HS2ST1: variants seen among roughly 807,000 people sequenced by gnomAD.
HS2ST1 encodes the protein 2-O-sulfotransferase.
Under a neutral mutation model 42.9 loss-of-function variants are expected in HS2ST1, and 18 were observed. That is an observed-to-expected ratio of 0.42 (90% CI 0.29 to 0.62). The LOEUF is 0.62. Among genes scored for constraint, HS2ST1 ranks in the 20% least tolerant of loss-of-function variants. HS2ST1 has a pLI of 0.21. For synonymous variants in HS2ST1, 146 were observed against 152.9 expected, an observed-to-expected ratio of 0.95 and a Z score of 0.33; for missense variants, 334 against 433.8, an observed-to-expected ratio of 0.77 and a Z score of 2.04.
chr1:86,943,799 G>A (rs577435656), intron 1 of HS2ST1, among the ~76,000 whole-genome samples: 1 of 152,216 alleles, frequency 6.6e-6, no homozygotes, highest in African/African-American at 2.4e-5. Flanking sequence ...GCTGAGGCAG[G>A]TGGATTACCT....
chr1:86,978,622 G>T (rs1648491531), intron 1 of HS2ST1, among the ~76,000 whole-genome samples: 1 of 152,090 alleles, frequency 6.6e-6, no homozygotes, highest in Non-Finnish European at 1.5e-5. Context: ...TAAGTTTGTG[G>T]TTGTATAATT....
At position 87,035,813 on chromosome 1, in the gene HS2ST1, C is replaced by CT. The variant is rs769101785; in HGVS notation, c.125-37107dup. Among the ~76,000 whole-genome samples the CT allele has an allele frequency of 3.0e-3, 428 of 140,814 alleles. 5 individuals are homozygous for CT. The highest frequency in any genetic ancestry group is 9.1e-3 in the African/African-American group (350 of 38,416). The allele number at this position is 140,814 out of a possible 152,430, so 92.4% of individuals were successfully genotyped here. A position where few individuals can be genotyped will look rare whatever the true frequency, so the allele number is the denominator to read the frequency against. On this transcript the variant is annotated intron_variant, in intron 1 of 6. Coordinates refer to ENST00000370550, the MANE Select transcript of HS2ST1 (RefSeq NM_012262.4). Reference sequence around the variant, plus strand: ...CAGGTTGTTCAGAGAAGACGAAAGACTTTTTTTTTTTTTTAATTATTACTA... The same window carrying CT: ...CAGGTTGTTCAGAGAAGACGAAAGACTTTTTTTTTTTTTTTAATTATTACTA...
At chr1:87,048,214 G>A (rs968819111) in intron 1 of HS2ST1, among the ~76,000 whole-genome samples, 3 of 152,048 alleles carry the variant, frequency 2.0e-5, no homozygotes, top group Admixed American at 1.3e-4. Flanking sequence ...TCTGTTATTA[G>A]TAATATACAA....
chr1:86,963,767 G>A (rs1209527097), intron 1 of HS2ST1, among the ~76,000 whole-genome samples: 3 of 143,318 alleles, frequency 2.1e-5, no homozygotes, highest in Non-Finnish European at 4.5e-5. Flanking sequence ...CCTCCCGGAC[G>A]GGGCAGCTGG....
intron 3 of HS2ST1, among the ~76,000 whole-genome samples, chr1:87,086,690 G>A (rs185590532): frequency 1.4e-3 from 220 of 151,960 alleles, no homozygotes; most frequent in Non-Finnish European, 2.5e-3. Context: ...GCCATGTTTT[G>A]ATTACATACA....
At chr1:86,953,984 G>A (rs1422797816) in intron 1 of HS2ST1, among the ~76,000 whole-genome samples, 2 of 143,896 alleles carry the variant, frequency 1.4e-5, no homozygotes, top group African/African-American at 5.2e-5. Context: ...ATGTGGGCAT[G>A]GTTTGTGACG....
chr1:87,034,210 A>G lies in HS2ST1; in HGVS notation c.125-38724A>G, dbSNP rs139860946. Among the ~76,000 whole-genome samples the G allele has an allele frequency of 1.6e-4, 24 of 152,366 alleles. No individual in the cohort carries two copies. The East Asian group carries it at 4.6e-3, about 29-fold the overall frequency. On this transcript the variant is annotated intron_variant, in intron 1 of 6. Coordinates refer to ENST00000370550, the MANE Select transcript of HS2ST1 (RefSeq NM_012262.4). ...AAATACCAGTGAGGAAGGTCACAGT[A>G]AATTATTATTTCATGACAAACAAAA...
At chr1:87,014,592 A>G (rs1030131120) in intron 1 of HS2ST1, among the ~76,000 whole-genome samples, 4 of 152,218 alleles carry the variant, frequency 2.6e-5, no homozygotes, top group Non-Finnish European at 5.9e-5. Flanking sequence ...AATGTTAAAC[A>G]AACAAACAAA....
chr1:86,990,747 G>A (rs1425493323), intron 1 of HS2ST1, among the ~76,000 whole-genome samples: 8 of 141,702 alleles, frequency 5.6e-5, no homozygotes, highest in African/African-American at 1.6e-4. Context: ...AGGTTCAAGC[G>A]ATTCTCCTGC....
chr1:86,946,138 A>G (rs1647329011), intron 1 of HS2ST1, among the ~76,000 whole-genome samples: 1 of 152,178 alleles, frequency 6.6e-6, no homozygotes, highest in Non-Finnish European at 1.5e-5. Flanking sequence ...AATTTTTTTT[A>G]ATCCAAACGT....
chr1:87,092,012 T>G (rs1651958108), intron 3 of HS2ST1, among the ~76,000 whole-genome samples: 1 of 152,088 alleles, frequency 6.6e-6, no homozygotes, highest in Admixed American at 6.6e-5. Flanking sequence ...CTATCAAATC[T>G]GGCTAGTGTG....
At chr1:86,934,450 G>A (rs1660602425) in intron 1 of HS2ST1, 1 of 152,240 alleles carries the variant, frequency 6.6e-6, no homozygotes, top group Non-Finnish European at 1.5e-5. Flanking sequence ...TCTCAAGCTA[G>A]TCCACGTTGA....
rs566190449 is a variant in HS2ST1, at chr1:87,105,443, A to G, written c.*747A>G. The G allele has an allele frequency of 3.3e-5, 5 of 152,526 alleles. No homozygotes were observed. The highest frequency in any genetic ancestry group is 7.4e-5 in the Non-Finnish European group (5 of 67,952). 9.4% of individuals were successfully genotyped at this position (152,526 alleles called of 1,614,324 possible). A position where few individuals can be genotyped will look rare whatever the true frequency, so the allele number is the denominator to read the frequency against. On this transcript the variant is annotated 3_prime_UTR_variant, in exon 7 of 7. Coordinates refer to ENST00000370550, the MANE Select transcript of HS2ST1 (RefSeq NM_012262.4). ...GTTAAGATTTTCACACATTAATATC[A>G]AAAAAGTAAGTTTAGTATTTGTTTC...
chr1:86,985,395 CACACATATATAT>C lies in HS2ST1; in HGVS notation c.124+70259_124+70270del, dbSNP rs1166069547. ...ATATATATATATATACACACACACA[CACACATATATAT>C]ACACATATATATACACATATATACA... On this transcript the variant is annotated intron_variant, in intron 1 of 6. Coordinates refer to ENST00000370550, the MANE Select transcript of HS2ST1 (RefSeq NM_012262.4). Among the ~76,000 whole-genome samples the C allele has an allele frequency of 6.9e-4, 22 of 31,814 alleles. 2 individuals carry two copies. Among genetic ancestry groups the C allele is most frequent in the African/African-American group, 1.1e-3 (18 of 15,838 alleles). 20.9% of individuals were successfully genotyped at this position (31,814 alleles called of 152,430 possible).
chr1:86,970,893 C>A (rs1648213788), intron 1 of HS2ST1, among the ~76,000 whole-genome samples: 1 of 151,942 alleles, frequency 6.6e-6, no homozygotes, highest in African/African-American at 2.4e-5. Context: ...ATTTACAGGT[C>A]AAATATTTTA....
At chr1:86,956,372 A>C (rs1647678017) in intron 1 of HS2ST1, 1 of 152,242 alleles carries the variant, frequency 6.6e-6, no homozygotes, top group East Asian at 1.9e-4. Flanking sequence ...TCTGTGTTTG[A>C]TTCAGTGCCT....
chr1:86,918,565 T>G (rs1192007052), intron 1 of HS2ST1, among the ~76,000 whole-genome samples: 1 of 152,138 alleles, frequency 6.6e-6, no homozygotes, highest in African/African-American at 2.4e-5. Flanking sequence ...CATCCTTATG[T>G]GTCCGTTTAA....
At chr1:87,035,859 A>G (rs1650360986) in intron 1 of HS2ST1, among the ~76,000 whole-genome samples, 1 of 151,364 alleles carries the variant, frequency 6.6e-6, no homozygotes, top group Non-Finnish European at 1.5e-5. Context: ...TCTGGGATAC[A>G]TGTGCAAAAC....
At chr1:86,929,732 T>G (rs578092516) in intron 1 of HS2ST1, among the ~76,000 whole-genome samples, 5 of 151,932 alleles carry the variant, frequency 3.3e-5, no homozygotes, top group Middle Eastern at 3.4e-3. Context: ...AGAAAGAACC[T>G]AAGCCTATTT....
Sources: gnomAD v4.1 joint callset for allele counts (sites outside exome capture counted in the v4.1 genomes callset) on GRCh38, gnomAD v4.1.1 for gene constraint, MANE v1.5 for transcripts, NCBI Gene and HGNC (gene_info 2026-07-23, HGNC 2026-07-21) for gene names.